SNX32: variants seen among roughly 807,000 people sequenced by gnomAD.
SNX32 encodes the protein sorting nexin-32.
A neutral mutation model predicts 57.0 loss-of-function variants in SNX32; 58 were observed. That is an observed-to-expected ratio of 1.02 (90% CI 0.82 to 1.27). SNX32 has a LOEUF of 1.27. SNX32 is among the 50% of genes most tolerant of loss of function. The pLI is 0.00. For missense variants in SNX32, 589 were observed against 541.2 expected, an observed-to-expected ratio of 1.09 and a Z score of -0.88; for synonymous variants, 262 against 220.4, an observed-to-expected ratio of 1.19 and a Z score of -1.67.
intron 11 of SNX32, 37 bp downstream of exon 11, chr11:65,852,826 A>G (rs930355996): frequency 1.2e-6 from 2 of 1,611,926 alleles, no homozygotes; most frequent in African/African-American, 1.3e-5. Context: ...CTGGGGCCAC[A>G]TGCCCTGCCC....
At chr11:65,847,193 AGATGGGGGTC>A (rs1407111378) in intron 1 of SNX32, among the ~76,000 whole-genome samples, 1 of 151,860 alleles carries the variant, frequency 6.6e-6, no homozygotes, top group African/African-American at 2.4e-5. Context: ...TTTTTTGTGG[AGATGGGGGTC>A]GAAGGGTGTC....
At chr11:65,852,390 G>A (rs906013684) in intron 9 of SNX32, 75 bp from the exon 10 acceptor site, 12 of 1,286,310 alleles carry the variant, frequency 9.3e-6, no homozygotes, top group Admixed American at 1.7e-5. Context: ...TGGATATTTA[G>A]ATGAAGAGGT....
At chr11:65,846,696 G>A (rs560561969) in intron 1 of SNX32, among the ~76,000 whole-genome samples, 9 of 151,332 alleles carry the variant, frequency 5.9e-5, no homozygotes, top group Non-Finnish European at 1.3e-4. Flanking sequence ...TTAAAAAAAT[G>A]TTTTTTGCCA....
rs891377741 is a variant in SNX32 at position 65,834,073 on chromosome 11, C to T, written c.8C>T (p.Thr3Met). Residue 3 changes from threonine (T) to methionine (M), a missense_variant, in exon 1 of 13, where the codon ACG (threonine) becomes ATG (methionine). Coordinates refer to ENST00000308342, the MANE Select transcript of SNX32 (RefSeq NM_152760.3). ...CTGAAGCCCAGGAGAGCGATGGAGA[C>T]GTATGCGGAGGTTGGGAAGGAGGGC... ME[T>M]YAEVGKEGKP... 3 of 1,551,220 alleles carry T rather than the reference C, an allele frequency of 1.9e-6. No individual in the cohort carries two copies. The African/African-American group carries it at 4.1e-5, about 21-fold the overall frequency.
intron 2 of SNX32, 55 bp downstream of exon 2, chr11:65,849,637 C>G: frequency 7.5e-7 from 1 of 1,338,368 alleles, no homozygotes; most frequent in East Asian, 2.6e-5. Flanking sequence ...CAGGAGGCCT[C>G]CCCCAGGGGG....
chr11:65,840,087 G>A (rs34924158), intron 1 of SNX32, among the ~76,000 whole-genome samples: 5,026 of 151,896 alleles, frequency 0.033, 108 homozygotes, highest in Non-Finnish European at 0.05. Context: ...CCTGGGAGGC[G>A]GAGGTTGTGG....
chr11:65,838,949 A>G (rs1320259358), intron 1 of SNX32, among the ~76,000 whole-genome samples: 1 of 152,060 alleles, frequency 6.6e-6, no homozygotes, highest in Non-Finnish European at 1.5e-5. Flanking sequence ...GAAACTCATA[A>G]GATACACAGT....
At chr11:65,849,636 TC>T in intron 2 of SNX32, 54 bp downstream of exon 2, 1 of 1,363,492 alleles carries the variant, frequency 7.3e-7, no homozygotes, top group Non-Finnish European at 9.8e-7. Context: ...GCAGGAGGCC[TC>T]CCCCAGGGGG....
intron 1 of SNX32, 76 bp from the exon 2 acceptor site, chr11:65,849,402 G>C: frequency 8.9e-7 from 1 of 1,125,606 alleles, no homozygotes; most frequent in East Asian, 2.4e-5. Context: ...TCTGCAGGTG[G>C]ATCAGAAAGC....
chr11:65,849,841 G>A lies in SNX32; in HGVS notation c.142-79G>A. The stretch of plus-strand genomic sequence containing the variant: ...CTCCCTGGGATGTGGGATGAGGGGG[G>A]CCCAAAAGTGCATGCCCAGACTTGC... On this transcript the variant is annotated intron_variant, in intron 2 of 12. Transcript: ENST00000308342. 7 of 1,166,786 alleles carry A rather than the reference G, an allele frequency of 6.0e-6. No homozygotes were observed. In the South Asian group the frequency reaches 6.0e-5, roughly 10 times the overall value. The allele number at this position is 1,166,786 out of a possible 1,614,324, so 72.3% of individuals were successfully genotyped here. A position where few individuals can be genotyped will look rare whatever the true frequency, so the allele number is the denominator to read the frequency against.
Position 65,850,009 on chromosome 11 carries a change from T to C in SNX32, c.231T>C (p.Asn77=), listed in dbSNP as rs1859119767. 1 of 1,613,676 alleles carries C rather than the reference T, an allele frequency of 6.2e-7. No homozygotes were observed. ...FIWLHDAYVE[N]EEYAGLIIPP... is the part of the protein sequence containing the mutation. ...GGCTGCATGATGCCTACGTGGAGAA[T>C]GAGGAGTACGCCGGCCTCATCGTGA... Residue 77 remains asparagine (N), a synonymous_variant, in exon 3 of 13, where the codon AAT becomes AAC. Coordinates refer to ENST00000308342, the MANE Select transcript of SNX32 (RefSeq NM_152760.3).
rs760796071 is a variant in SNX32, at chr11:65,852,541, A to G, written c.902A>G (p.Gln301Arg). The change falls in exon 10 of 13, where the codon CAG becomes CGG. Residue 301 changes from glutamine (Q) to arginine (R), a missense_variant. Coordinates refer to ENST00000308342, the MANE Select transcript of SNX32 (RefSeq NM_152760.3). ...DMLRYYMRDS[Q>R]AAKDLLYRRL... ...CTGAGGTACTACATGCGTGACTCAC[A>G]GGCAGCCAAGGTGAGAGGCAGCCCC... 1 of 1,614,186 alleles carries G rather than the reference A, an allele frequency of 6.2e-7. No homozygotes were observed. Among genetic ancestry groups the G allele is most frequent in the African/African-American group, 1.3e-5 (1 of 75,048 alleles).
chr11:65,851,240 G>C, intron 7 of SNX32, 80 bp downstream of exon 7: 1 of 1,599,900 alleles, frequency 6.3e-7, no homozygotes, highest in Non-Finnish European at 8.6e-7. Context: ...GAAGAGAGCA[G>C]GGCGTGCCTT....
At chr11:65,850,724 G>A (rs1265116988) in intron 5 of SNX32, 27 bp from the exon 6 acceptor site, 1 of 1,608,908 alleles carries the variant, frequency 6.2e-7, no homozygotes, top group Non-Finnish European at 8.5e-7. Flanking sequence ...GCCCACCCCA[G>A]CATCATACCC....
rs187268620 is a variant in SNX32, at chr11:65,850,732, C to T, written c.499-19C>T. The T allele has an allele frequency of 6.7e-4, 1,077 of 1,610,614 alleles. 12 individuals carry two copies. In the Admixed American group the frequency reaches 0.015, roughly 22 times the overall value. ...TGAGAACGCCCACCCCAGCATCATA[C>T]CCTCCCTGTGTGCCTCAGCTGAGTG... On this transcript the variant is annotated intron_variant, in intron 5 of 12. Coordinates refer to ENST00000308342, the MANE Select transcript of SNX32 (RefSeq NM_152760.3).
chr11:65,847,884 T>G (rs1859045396), intron 1 of SNX32, among the ~76,000 whole-genome samples: 1 of 149,658 alleles, frequency 6.7e-6, no homozygotes, highest in Admixed American at 6.7e-5. Flanking sequence ...CACTCCAACC[T>G]GGGTGACAGA....
In SNX32 at chr11:65,834,035, C is replaced by T; in HGVS notation, c.-31C>T. On this transcript the variant is annotated 5_prime_UTR_variant, in exon 1 of 13. Coordinates refer to ENST00000308342, the MANE Select transcript of SNX32 (RefSeq NM_152760.3). ...GGGACGACCTGCGGGAGCACGCGGG[C>T]AGTGGCCGGACGCTGAAGCCCAGGA... 1 of 1,548,244 alleles carries T rather than the reference C, an allele frequency of 6.5e-7. No individual in the cohort carries two copies.
rs1859122181 is a variant in SNX32, at chr11:65,850,040, G to T, written c.252+10G>T. On this transcript the variant is annotated intron_variant, in intron 3 of 12. Coordinates refer to ENST00000308342, the MANE Select transcript of SNX32 (RefSeq NM_152760.3). ...GTACGCCGGCCTCATCGTGAGGAGG[G>T]GCTGGGCAGGGGCTGGGAGGGACAG... 8 of 1,614,046 alleles carry T rather than the reference G, an allele frequency of 5.0e-6. No individual in the cohort carries two copies. The highest frequency in any genetic ancestry group is 1.3e-5 in the African/African-American group (1 of 74,956).
chr11:65,835,114 GC>G (rs1858631524), intron 1 of SNX32, among the ~76,000 whole-genome samples: 1 of 151,764 alleles, frequency 6.6e-6, no homozygotes. Context: ...GTGTGTATGT[GC>G]CCATGTGTCT....
Sources: allele counts gnomAD v4.1 joint callset (sites outside exome capture counted in the v4.1 genomes callset), GRCh38; gene constraint gnomAD v4.1.1; transcripts MANE v1.5; gene names NCBI Gene and HGNC (gene_info 2026-07-23, HGNC 2026-07-21).